GRAPL: variants seen among roughly 807,000 people sequenced by gnomAD.
GRAPL encodes GRB2 related adaptor protein like.
chr17:19,144,766 C>T (rs2044689390), intron 3 of GRAPL, among the ~76,000 whole-genome samples: 1 of 102,166 alleles, frequency 9.8e-6, no homozygotes, highest in Non-Finnish European at 1.9e-5. Context: ...AGATTCAGTT[C>T]CTCCTGCAAG....
chr17:19,146,642 C>CA (rs768248780), intron 3 of GRAPL, among the ~76,000 whole-genome samples: 1,208 of 51,522 alleles, frequency 0.023, 23 homozygotes, highest in African/African-American at 0.1. Flanking sequence ...GACTCCGTCT[C>CA]AAAAAAAAAA....
At chr17:19,149,264 G>A (rs1452177749) in intron 3 of GRAPL, among the ~76,000 whole-genome samples, 1 of 97,894 alleles carries the variant, frequency 1.0e-5, no homozygotes, top group Non-Finnish European at 1.8e-5. Context: ...GGGAGGCAGA[G>A]GTTGCAGTGA....
At chr17:19,142,941 G>A (rs2044680100) in intron 3 of GRAPL, 1 of 85,600 alleles carries the variant, frequency 1.2e-5, no homozygotes, top group Non-Finnish European at 1.8e-5. Flanking sequence ...CATGATAAGT[G>A]CCAGTTATCA....
Position 19,149,095 on chromosome 17 carries a change from C to T in GRAPL, c.300-9224C>T, listed in dbSNP as rs1236904544. Among the ~76,000 whole-genome samples, 18 of 112,954 alleles carry T rather than the reference C, an allele frequency of 1.6e-4. 1 individual carries two copies. The highest frequency in any genetic ancestry group is 4.3e-4 in the East Asian group (1 of 2,324). 74.1% of individuals were successfully genotyped at this position (112,954 alleles called of 152,430 possible). On this transcript the variant is annotated intron_variant, in intron 3 of 3. Transcript: ENST00000344415. ...CTATAATCCCAGCACTTTGGGAGGCCGAGGAGGGTGGATCACAAGGTCAGG... is the reference window on the plus strand; with the variant it reads ...CTATAATCCCAGCACTTTGGGAGGCTGAGGAGGGTGGATCACAAGGTCAGG...
At chr17:19,149,187 G>A (rs1286425903) in intron 3 of GRAPL, among the ~76,000 whole-genome samples, 8 of 103,152 alleles carry the variant, frequency 7.8e-5, no homozygotes, top group African/African-American at 2.6e-4. Flanking sequence ...AAAATTAGCC[G>A]GGCGTGGTGG....
intron 3 of GRAPL, among the ~76,000 whole-genome samples, chr17:19,149,891 T>C (rs2044724775): frequency 1.6e-5 from 1 of 64,112 alleles, no homozygotes; most frequent in Non-Finnish European, 2.2e-5. Flanking sequence ...CTGGCCAACA[T>C]GGGGAAACCC....
intron 3 of GRAPL, among the ~76,000 whole-genome samples, chr17:19,147,199 G>A (rs1342396725): frequency 2.1e-5 from 3 of 145,420 alleles, no homozygotes; most frequent in African/African-American, 5.3e-5. Flanking sequence ...TGGTCATCCT[G>A]TGCCCCTACC....
chr17:19,149,893 G>A (rs2044724807), intron 3 of GRAPL, among the ~76,000 whole-genome samples: 1 of 60,104 alleles, frequency 1.7e-5, no homozygotes, highest in Non-Finnish European at 2.3e-5. Context: ...GGCCAACATG[G>A]GGAAACCCCG....
At chr17:19,148,723 G>A (rs1167161292) in intron 3 of GRAPL, among the ~76,000 whole-genome samples, 20 of 33,902 alleles carry the variant, frequency 5.9e-4, no homozygotes, top group South Asian at 3.2e-3. Flanking sequence ...TGGCTAACAC[G>A]GTGAAACCCC....
chr17:19,148,644 C>T (rs1431788742), intron 3 of GRAPL, among the ~76,000 whole-genome samples: 1 of 27,748 alleles, frequency 3.6e-5, no homozygotes, highest in Non-Finnish European at 7.0e-5. Flanking sequence ...CGGTGGCTCA[C>T]GCCTGTAATC....
intron 3 of GRAPL, among the ~76,000 whole-genome samples, chr17:19,148,876 C>CT (rs1477525788): frequency 8.1e-6 from 1 of 122,834 alleles, no homozygotes; most frequent in Non-Finnish European, 1.7e-5. Context: ...CCATTGCACT[C>CT]TAGCCTGGGT....
At chr17:19,143,381 C>T (rs1045268556) in intron 3 of GRAPL, 1 of 9,760 alleles carries the variant, frequency 1.0e-4, no homozygotes, top group Non-Finnish European at 1.5e-4. Context: ...TCTGAGCTGG[C>T]GGGCAGCGGG....
intron 2 of GRAPL, among the ~76,000 whole-genome samples, chr17:19,137,355 GT>G (rs1295513649): frequency 1.7e-4 from 1 of 6,018 alleles, no homozygotes; most frequent in African/African-American, 3.3e-4. Context: ...GACTTAAGAA[GT>G]TTTTTTTTTT....
At chr17:19,143,001 G>C (rs2044680304) in intron 3 of GRAPL, 1 of 100,042 alleles carries the variant, frequency 1.0e-5, no homozygotes, top group Admixed American at 9.9e-5. Context: ...GGAGGAATTA[G>C]GGAGCCCCTC....
intron 3 of GRAPL, among the ~76,000 whole-genome samples, chr17:19,147,096 T>G (rs1425558821): frequency 1.4e-5 from 2 of 141,900 alleles, no homozygotes; most frequent in African/African-American, 5.7e-5. Context: ...ATCAAGTGCT[T>G]TGGACTGGTG....
chr17:19,144,384 T>A (rs1315891652), intron 3 of GRAPL, among the ~76,000 whole-genome samples: 2 of 125,034 alleles, frequency 1.6e-5, no homozygotes, highest in Non-Finnish European at 3.3e-5. Context: ...TCCTTGGGGC[T>A]TTTCTGACAG....
intron 3 of GRAPL, among the ~76,000 whole-genome samples, chr17:19,149,319 A>G (rs2044720068): frequency 1.4e-5 from 1 of 69,958 alleles, no homozygotes; most frequent in Non-Finnish European, 2.0e-5. Context: ...ACAGAGCAAG[A>G]CTCTGTCTCA....
chr17:19,144,427 G>C (rs1455031467), intron 3 of GRAPL, among the ~76,000 whole-genome samples: 1 of 128,958 alleles, frequency 7.8e-6, no homozygotes, highest in African/African-American at 2.9e-5. Context: ...TGTTCCCCTG[G>C]GTAGGTGGAT....
intron 2 of GRAPL, among the ~76,000 whole-genome samples, chr17:19,136,718 GT>G (rs1395936080): frequency 3.6e-5 from 3 of 84,020 alleles, no homozygotes; most frequent in African/African-American, 9.3e-5. Context: ...CCCTCCGATG[GT>G]GGGTGTTCTA....
Sources: gnomAD v4.1 joint callset for allele counts (sites outside exome capture counted in the v4.1 genomes callset) on GRCh38, gnomAD v4.1.1 for gene constraint, MANE v1.5 for transcripts, NCBI Gene and HGNC (gene_info 2026-07-23, HGNC 2026-07-21) for gene names.